ENOX1: variants seen among roughly 807,000 people sequenced by gnomAD.
ENOX1 encodes candidate growth-related and time keeping constitutive hydroquinone (NADH) oxidase.
In ENOX1, 42 loss-of-function variants were observed where a neutral mutation model predicts 82.5. That is an observed-to-expected ratio of 0.51 (90% CI 0.40 to 0.66). The LOEUF (loss-of-function observed/expected upper bound fraction) is 0.66. Ranked by LOEUF, ENOX1 falls within the 30% of genes least tolerant of loss-of-function variation. The probability of loss-of-function intolerance (pLI) is 0.00; values close to 1 mark genes in which losing one functional copy is unlikely to be tolerated. For missense variants in ENOX1, 608 were observed against 811.6 expected, an observed-to-expected ratio of 0.75 and a Z score of 3.05; for synonymous variants, 271 against 282.2, an observed-to-expected ratio of 0.96 and a Z score of 0.40.
intron 2 of ENOX1, among the ~76,000 whole-genome samples, chr13:43,653,253 A>G (rs2084278084): frequency 6.6e-6 from 1 of 152,236 alleles, no homozygotes; most frequent in African/African-American, 2.4e-5. Flanking sequence ...TAATGGAAAC[A>G]AACATCTGCA....
chr13:43,414,067 T>C (rs1413703245), intron 3 of ENOX1, among the ~76,000 whole-genome samples: 1 of 152,198 alleles, frequency 6.6e-6, no homozygotes, highest in Non-Finnish European at 1.5e-5. Flanking sequence ...ACAGTGTATC[T>C]AATGTGAAGT....
intron 3 of ENOX1, among the ~76,000 whole-genome samples, chr13:43,470,237 T>TATAC (rs1383577974): frequency 1.2e-5 from 1 of 82,802 alleles, no homozygotes; most frequent in Non-Finnish European, 2.7e-5. Flanking sequence ...TGTGTGTGTG[T>TATAC]GTATATATAT....
intron 5 of ENOX1, among the ~76,000 whole-genome samples, chr13:43,410,484 T>C (rs1260341684): frequency 2.0e-5 from 3 of 152,084 alleles, no homozygotes; most frequent in African/African-American, 7.2e-5. Flanking sequence ...AAATATAATG[T>C]TTTAAAACTC....
At chr13:43,692,352 T>A (rs2086410965) in intron 1 of ENOX1, among the ~76,000 whole-genome samples, 1 of 152,194 alleles carries the variant, frequency 6.6e-6, no homozygotes, top group South Asian at 2.1e-4. Context: ...AATGGACAAT[T>A]TCTATAATCC....
chr13:43,344,169 C>T (rs2049235012), intron 9 of ENOX1, among the ~76,000 whole-genome samples: 1 of 152,176 alleles, frequency 6.6e-6, no homozygotes, highest in South Asian at 2.1e-4. Flanking sequence ...CTACTGTCAG[C>T]ACTAGGAGGA....
At chr13:43,334,647 C>A (rs968814449) in intron 9 of ENOX1, among the ~76,000 whole-genome samples, 4 of 152,096 alleles carry the variant, frequency 2.6e-5, no homozygotes, top group African/African-American at 9.7e-5. Flanking sequence ...TATGATGGAG[C>A]AGGAAGCTGC....
At chr13:43,770,807 T>C (rs1014521568) in intron 1 of ENOX1, among the ~76,000 whole-genome samples, 3 of 151,872 alleles carry the variant, frequency 2.0e-5, no homozygotes, top group Admixed American at 6.6e-5. Context: ...TTTGTATTCT[T>C]CTACAGTGTT....
chr13:43,687,100 C>T (rs1009801512), intron 1 of ENOX1, among the ~76,000 whole-genome samples: 4 of 152,156 alleles, frequency 2.6e-5, no homozygotes, highest in Non-Finnish European at 5.9e-5. Context: ...TGCTAAATTA[C>T]AATGCTTACC....
chr13:43,494,415 C>A (rs2076724918), intron 2 of ENOX1, among the ~76,000 whole-genome samples: 1 of 152,202 alleles, frequency 6.6e-6, no homozygotes, highest in Non-Finnish European at 1.5e-5. Flanking sequence ...AGCACAGTGA[C>A]TACATTCTTG....
At chr13:43,286,461 ATGGAAGTCTAC>A (rs1313263567) in intron 12 of ENOX1, among the ~76,000 whole-genome samples, 1 of 152,180 alleles carries the variant, frequency 6.6e-6, no homozygotes, top group Non-Finnish European at 1.5e-5. Context: ...TATCCTGGGA[ATGGAAGTCTAC>A]TGGAGAGTCA....
chr13:43,390,944 G>A (rs554201549), intron 5 of ENOX1, among the ~76,000 whole-genome samples: 1 of 152,160 alleles, frequency 6.6e-6, no homozygotes, highest in Admixed American at 6.5e-5. Context: ...TGAAGGCACT[G>A]GCTACTACGA....
At chr13:43,290,717 T>C (rs898938563) in intron 12 of ENOX1, among the ~76,000 whole-genome samples, 1 of 152,190 alleles carries the variant, frequency 6.6e-6, no homozygotes, top group African/African-American at 2.4e-5. Flanking sequence ...TCTGCACATG[T>C]ACCCTCTGTA....
At chr13:43,492,892 A>G (rs1422298259) in intron 2 of ENOX1, among the ~76,000 whole-genome samples, 1 of 152,206 alleles carries the variant, frequency 6.6e-6, no homozygotes, top group East Asian at 1.9e-4. Context: ...ATTAACATTT[A>G]ATTAGTAGAC....
chr13:43,468,238 G>A (rs952307175), intron 3 of ENOX1, among the ~76,000 whole-genome samples: 4 of 151,746 alleles, frequency 2.6e-5, no homozygotes, highest in African/African-American at 7.3e-5. Context: ...CTGGAGTGCA[G>A]TGGTGTGATC....
rs928743869 is a variant in ENOX1, at chr13:43,781,757, C to T, written c.-285+4895G>A. ...AACTCCCGACATCAGGTGAACTGCC[C>T]GCCTCGACCTCTCAAAGTGCTGGGA... On this transcript the variant is annotated intron_variant, in intron 1 of 16. Coordinates refer to ENST00000690772, the MANE Select transcript of ENOX1 (RefSeq NM_001347969.2). Among the ~76,000 whole-genome samples, 5 of 152,200 alleles carry T rather than the reference C, an allele frequency of 3.3e-5. No individual in the cohort carries two copies. In the East Asian group the frequency reaches 5.8e-4, roughly 18 times the overall value.
intron 5 of ENOX1, among the ~76,000 whole-genome samples, chr13:43,371,581 CT>C (rs1464457366): frequency 6.6e-6 from 1 of 152,170 alleles, no homozygotes; most frequent in African/African-American, 2.4e-5. Flanking sequence ...AAGTGTTAAC[CT>C]TTTGATTTTA....
intron 1 of ENOX1, among the ~76,000 whole-genome samples, chr13:43,726,891 G>A (rs1252502582): frequency 3.3e-5 from 5 of 151,962 alleles, no homozygotes; most frequent in African/African-American, 9.7e-5. Context: ...ACAGGCACAC[G>A]TCCCCACACC....
chr13:43,399,288 G>T (rs2053351105), intron 5 of ENOX1, among the ~76,000 whole-genome samples: 1 of 152,144 alleles, frequency 6.6e-6, no homozygotes, highest in African/African-American at 2.4e-5. Context: ...CTGTGTGGGG[G>T]TGAGCAGCTC....
At chr13:43,489,672 C>T (rs1344727561) in intron 2 of ENOX1, among the ~76,000 whole-genome samples, 1 of 152,146 alleles carries the variant, frequency 6.6e-6, no homozygotes, top group Non-Finnish European at 1.5e-5. Context: ...CCTGAGAGAG[C>T]TACAAGGGCT....
Sources: gnomAD v4.1 joint callset for allele counts (sites outside exome capture counted in the v4.1 genomes callset) on GRCh38, gnomAD v4.1.1 for gene constraint, MANE v1.5 for transcripts, NCBI Gene and HGNC (gene_info 2026-07-23, HGNC 2026-07-21) for gene names.